DTNA: variants seen among roughly 807,000 people sequenced by gnomAD.
The protein encoded by DTNA is dystrobrevin alpha, also known as dystrophin-related protein 3.
In DTNA, 43 loss-of-function variants were observed where a neutral mutation model predicts 100.7. The ratio of observed to expected loss-of-function variants is 0.43; its 90% CI spans 0.33 to 0.55. The LOEUF (loss-of-function observed/expected upper bound fraction) is 0.55. Among genes scored for constraint, DTNA ranks in the 20% least tolerant of loss-of-function variants. The pLI is 0.04. For synonymous variants in DTNA, 349 were observed against 347.9 expected, an observed-to-expected ratio of 1.00 and a Z score of -0.04; for missense variants, 798 against 953.9, an observed-to-expected ratio of 0.84 and a Z score of 2.15.
At chr18:34,580,465 G>T (rs1394520041) in intron 1 of DTNA, among the ~76,000 whole-genome samples, 1 of 152,132 alleles carries the variant, frequency 6.6e-6, no homozygotes, top group Admixed American at 6.5e-5. Context: ...ATTTGGCTGT[G>T]TGTGGGGTCG....
chr18:34,556,017 A>C (rs1191382982), intron 1 of DTNA, among the ~76,000 whole-genome samples: 2 of 150,526 alleles, frequency 1.3e-5, no homozygotes, highest in Non-Finnish European at 3.0e-5. Flanking sequence ...GTCTCTTTGT[A>C]GGTCACTCAG....
intron 1 of DTNA, among the ~76,000 whole-genome samples, chr18:34,575,815 T>C (rs1285479220): frequency 6.6e-6 from 1 of 152,216 alleles, no homozygotes; most frequent in Non-Finnish European, 1.5e-5. Context: ...GTTAGATTTT[T>C]CTTCCCCATT....
intron 1 of DTNA, among the ~76,000 whole-genome samples, chr18:34,710,663 TGTGTGTGTGGGA>T (rs2082715777): frequency 6.9e-6 from 1 of 145,982 alleles, no homozygotes; most frequent in African/African-American, 2.7e-5. Flanking sequence ...TATGGCAGTG[TGTGTGTGTGGGA>T]GTGTGTGTGT....
intron 1 of DTNA, among the ~76,000 whole-genome samples, chr18:34,557,062 G>A (rs1229216118): frequency 6.6e-6 from 1 of 150,894 alleles, no homozygotes; most frequent in Non-Finnish European, 1.5e-5. Flanking sequence ...TGGAGGCTTT[G>A]CTCATTTCTT....
chr18:34,644,807 C>T (rs1452572503), intron 1 of DTNA, among the ~76,000 whole-genome samples: 1 of 152,058 alleles, frequency 6.6e-6, no homozygotes, highest in Non-Finnish European at 1.5e-5. Flanking sequence ...AATGTTGAGA[C>T]CTTTGCACAA....
intron 1 of DTNA, among the ~76,000 whole-genome samples, chr18:34,751,118 C>T (rs2092276975): frequency 1.3e-5 from 2 of 152,194 alleles, no homozygotes; most frequent in Admixed American, 1.3e-4. Flanking sequence ...CCTACAAATT[C>T]ATTAATGCCA....
chr18:34,652,601 A>G (rs1229651652), intron 1 of DTNA, among the ~76,000 whole-genome samples: 1 of 152,188 alleles, frequency 6.6e-6, no homozygotes, highest in African/African-American at 2.4e-5. Flanking sequence ...ATTAAGCACC[A>G]ACATATAGAG....
At chr18:34,739,681 CT>C (rs2090278322) in intron 1 of DTNA, among the ~76,000 whole-genome samples, 1 of 152,158 alleles carries the variant, frequency 6.6e-6, no homozygotes, top group South Asian at 2.1e-4. Context: ...AGAAATAGAT[CT>C]CTAAATCAGA....
At chr18:34,745,785 C>G (rs974339681) in intron 1 of DTNA, among the ~76,000 whole-genome samples, 1 of 152,196 alleles carries the variant, frequency 6.6e-6, no homozygotes, top group Non-Finnish European at 1.5e-5. Context: ...CTCACCAAAT[C>G]CTGACTTTCT....
intron 3 of DTNA, among the ~76,000 whole-genome samples, chr18:34,790,562 TATATA>T (rs1354790931): frequency 1.1e-5 from 1 of 89,446 alleles, no homozygotes; most frequent in Admixed American, 1.0e-4. Flanking sequence ...TATATATATA[TATATA>T]TTTTTTTTTT....
At chr18:34,728,238 T>C (rs201155974) in intron 1 of DTNA, among the ~76,000 whole-genome samples, 1 of 152,120 alleles carries the variant, frequency 6.6e-6, no homozygotes, top group East Asian at 1.9e-4. Context: ...AGTTTTTCTA[T>C]ATGTTAAGAA....
At chr18:34,510,352 G>C (rs777202559) in intron 1 of DTNA, among the ~76,000 whole-genome samples, 7 of 151,882 alleles carry the variant, frequency 4.6e-5, no homozygotes, top group Non-Finnish European at 4.4e-5. Flanking sequence ...CTAGCATCTA[G>C]TTGGATGGTC....
chr18:34,760,541 C>G (rs138750286), intron 2 of DTNA, among the ~76,000 whole-genome samples: 340 of 152,292 alleles, frequency 2.2e-3, no homozygotes, highest in African/African-American at 8.0e-3. Flanking sequence ...TACTTGTTTT[C>G]AAGTGTTCTG....
intron 1 of DTNA, among the ~76,000 whole-genome samples, chr18:34,545,529 G>T (rs1234300882): frequency 6.6e-6 from 1 of 152,056 alleles, no homozygotes; most frequent in Non-Finnish European, 1.5e-5. Context: ...ATTATAGAAT[G>T]CATAACTTAA....
intron 1 of DTNA, among the ~76,000 whole-genome samples, chr18:34,733,690 A>G (rs1000408263): frequency 6.6e-6 from 1 of 152,172 alleles, no homozygotes; most frequent in African/African-American, 2.4e-5. Flanking sequence ...GGTCAAGGGT[A>G]TATCTTCTGG....
At chr18:34,801,874 A>G (rs1314024767) in intron 4 of DTNA, among the ~76,000 whole-genome samples, 3 of 152,170 alleles carry the variant, frequency 2.0e-5, no homozygotes, top group Non-Finnish European at 4.4e-5. Flanking sequence ...TGTGCCTTTT[A>G]TATTACCAAA....
At chr18:34,580,341 T>C (rs573531750) in intron 1 of DTNA, among the ~76,000 whole-genome samples, 14 of 152,182 alleles carry the variant, frequency 9.2e-5, no homozygotes, top group Non-Finnish European at 1.9e-4. Flanking sequence ...TTTTATTTCA[T>C]AGTCACATTT....
intron 3 of DTNA, among the ~76,000 whole-genome samples, chr18:34,772,550 C>T (rs924123309): frequency 3.7e-5 from 5 of 136,274 alleles, no homozygotes; most frequent in East Asian, 2.4e-4. Flanking sequence ...ACTAGAAGAA[C>T]GCTGGTCTTA....
intron 3 of DTNA, among the ~76,000 whole-genome samples, chr18:34,775,252 C>G (rs943098966): frequency 6.6e-6 from 1 of 152,072 alleles, no homozygotes; most frequent in African/African-American, 2.4e-5. Flanking sequence ...TTTGGGAGGC[C>G]GAGGCGGGCG....
Sources: allele counts gnomAD v4.1 joint callset (sites outside exome capture counted in the v4.1 genomes callset), GRCh38; gene constraint gnomAD v4.1.1; transcripts MANE v1.5; gene names NCBI Gene and HGNC (gene_info 2026-07-23, HGNC 2026-07-21).